PRKN: variants seen among roughly 807,000 people sequenced by gnomAD.
The protein encoded by PRKN is parkin RBR E3 ubiquitin protein ligase.
PRKN carries 56 observed loss-of-function variants against 59.5 expected under a neutral mutation model. The observed-to-expected ratio is 0.94, with a 90% CI of 0.76 to 1.18. The LOEUF (loss-of-function observed/expected upper bound fraction) is 1.18, where lower values mean the gene tolerates loss of function less well. Ranked by LOEUF, PRKN falls within the 50% of genes most tolerant of loss-of-function variation. PRKN has a pLI of 0.00. For missense variants in PRKN, 657 were observed against 596.4 expected (o/e 1.10, Z -1.06); for synonymous variants, 250 against 222.1 (o/e 1.13, Z -1.12).
At chr6:161,897,461 A>G (rs1042833103) in intron 6 of PRKN, among the ~76,000 whole-genome samples, 1 of 152,092 alleles carries the variant, frequency 6.6e-6, no homozygotes, top group African/African-American at 2.4e-5. Flanking sequence ...TTTTAGGCCC[A>G]TTTTCCTTCT....
In PRKN at chr6:162,651,590, A is replaced by G. The variant is rs558548317; in HGVS notation, c.7+76072T>C. On this transcript the variant is annotated intron_variant, in intron 1 of 11. Transcript: ENST00000366898. ...CTAGTTACACCTCATAACCACAAAT[A>G]TTAACTCCTGTAAATAAGCTTTTTA... Among the ~76,000 whole-genome samples, 5 of 152,324 alleles carry G rather than the reference A, an allele frequency of 3.3e-5. 1 individual carries two copies. The South Asian group carries it at 1.0e-3, about 32-fold the overall frequency.
At chr6:162,669,630 A>G (rs1022534089) in intron 1 of PRKN, among the ~76,000 whole-genome samples, 2 of 152,160 alleles carry the variant, frequency 1.3e-5, no homozygotes, top group Admixed American at 6.5e-5. Flanking sequence ...ATACTTCCCC[A>G]AAACAGATAC....
intron 4 of PRKN, among the ~76,000 whole-genome samples, chr6:162,145,982 C>G (rs1410441783): frequency 1.3e-5 from 2 of 152,200 alleles, no homozygotes; most frequent in African/African-American, 4.8e-5. Context: ...TGCAAACGTA[C>G]TTTCAATTTC....
At chr6:161,929,517 CTT>C (rs759945931) in intron 6 of PRKN, among the ~76,000 whole-genome samples, 466 of 72,214 alleles carry the variant, frequency 6.5e-3, no homozygotes, top group African/African-American at 0.023. Flanking sequence ...AATTTCACCT[CTT>C]TTTTTTTTTT....
intron 7 of PRKN, among the ~76,000 whole-genome samples, chr6:161,775,006 G>T (rs1789861076): frequency 6.6e-6 from 1 of 152,054 alleles, no homozygotes; most frequent in South Asian, 2.1e-4. Flanking sequence ...CATTTTCACA[G>T]TGGCAATTAT....
In PRKN at chr6:161,458,938, A is replaced by T. The variant is rs564852278; in HGVS notation, c.1084-72061T>A. ...GTTTTTTTTTTTCTTTTTAAAGTGC[A>T]TATCTTTATTTGGACAGCCTCAAAT... On this transcript the variant is annotated intron_variant, in intron 9 of 11. Coordinates refer to ENST00000366898, the MANE Select transcript of PRKN (RefSeq NM_004562.3). This position sits in a 1 kb window ranked among gnomAD's most constrained non-coding sequence, Gnocchi z 6.1. Among the ~76,000 whole-genome samples, 1 of 151,706 alleles carries T rather than the reference A, an allele frequency of 6.6e-6. No homozygotes were observed. Among genetic ancestry groups the T allele is most frequent in the East Asian group, 1.9e-4 (1 of 5,186 alleles).
chr6:161,639,256 G>C (rs138831957), intron 7 of PRKN, among the ~76,000 whole-genome samples: 169 of 152,304 alleles, frequency 1.1e-3, no homozygotes, highest in African/African-American at 3.9e-3. Context: ...AATAGACCTA[G>C]TCTCCAAGTG....
intron 9 of PRKN, among the ~76,000 whole-genome samples, chr6:161,431,653 C>T (rs1039585830): frequency 1.3e-5 from 2 of 151,360 alleles, no homozygotes; most frequent in Admixed American, 6.6e-5. Flanking sequence ...TGCTCCATTG[C>T]CCAGGCTGGA....
intron 9 of PRKN, among the ~76,000 whole-genome samples, chr6:161,452,284 T>C (rs960194070): frequency 4.6e-5 from 7 of 152,170 alleles, no homozygotes; most frequent in African/African-American, 1.7e-4. Flanking sequence ...AAAGTCTGAT[T>C]TAAAAAATAG....
At chr6:162,102,771 C>T (rs959790321) in intron 4 of PRKN, among the ~76,000 whole-genome samples, 7 of 144,020 alleles carry the variant, frequency 4.9e-5, no homozygotes, top group Non-Finnish European at 7.4e-5. Flanking sequence ...TGCCCGGGCG[C>T]GGTGGCTCAC....
chr6:162,598,771 T>C (rs1366228071), intron 1 of PRKN, among the ~76,000 whole-genome samples: 1 of 148,234 alleles, frequency 6.7e-6, no homozygotes, highest in African/African-American at 2.5e-5. Flanking sequence ...GAGAATTGCT[T>C]GACCCGTGGA....
At chr6:161,374,310 G>A (rs1464085035) in intron 10 of PRKN, among the ~76,000 whole-genome samples, 3 of 149,088 alleles carry the variant, frequency 2.0e-5, no homozygotes, top group East Asian at 2.0e-4. Flanking sequence ...TGTGGTGCGC[G>A]TGTGTTGTGT....
chr6:161,524,823 C>T (rs190521323), intron 9 of PRKN, among the ~76,000 whole-genome samples: 2 of 152,194 alleles, frequency 1.3e-5, no homozygotes, highest in African/African-American at 4.8e-5. Flanking sequence ...TGCACAACAT[C>T]GTAAGAGTTT....
chr6:161,381,385 TCTCC>T (rs1562408542), intron 10 of PRKN, among the ~76,000 whole-genome samples: 1 of 152,124 alleles, frequency 6.6e-6, no homozygotes, highest in African/African-American at 2.4e-5. Flanking sequence ...GGGTGGCCAC[TCTCC>T]CTCCCTCTCC....
Position 161,350,026 on chromosome 6 carries a change from A to T in PRKN, c.*73T>A. ...CGCGTGTGTGTGTGTGTTTGAAAAGAGAATTAGAAAATGAAGGTAGACACT... is the reference window on the plus strand; with the variant it reads ...CGCGTGTGTGTGTGTGTTTGAAAAGTGAATTAGAAAATGAAGGTAGACACT... On this transcript the variant is annotated 3_prime_UTR_variant, in exon 12 of 12. Coordinates refer to ENST00000366898, the MANE Select transcript of PRKN (RefSeq NM_004562.3). 1 of 994,268 alleles carries T rather than the reference A, an allele frequency of 1.0e-6. No individual in the cohort carries two copies. The highest frequency in any genetic ancestry group is 1.6e-6 in the Non-Finnish European group (1 of 632,394). The allele number at this position is 994,268 out of a possible 1,614,324, so 61.6% of individuals were successfully genotyped here.
intron 2 of PRKN, among the ~76,000 whole-genome samples, chr6:162,390,837 C>T (rs1432167703): frequency 2.0e-5 from 3 of 151,716 alleles, no homozygotes; most frequent in African/African-American, 7.3e-5. Flanking sequence ...AGAGATGGTA[C>T]AAAAAATTAA....
At chr6:161,786,019 G>T in intron 6 of PRKN, 111 bp from the exon 7 acceptor site, 1 of 1,053,260 alleles carries the variant, frequency 9.5e-7, no homozygotes, top group Admixed American at 1.9e-5. Flanking sequence ...TGTGCTCTGT[G>T]CAAAGACCGG....
chr6:162,647,397 C>T (rs1320603704), intron 1 of PRKN, among the ~76,000 whole-genome samples: 1 of 152,018 alleles, frequency 6.6e-6, no homozygotes, highest in Non-Finnish European at 1.5e-5. Flanking sequence ...TTAGACTTAA[C>T]AAATCTTAAC....
intron 2 of PRKN, among the ~76,000 whole-genome samples, chr6:162,277,036 G>A (rs1489561574): frequency 6.6e-6 from 1 of 152,162 alleles, no homozygotes; most frequent in African/African-American, 2.4e-5. Flanking sequence ...CGTGTGAGGA[G>A]TAAGAAAGAG....
Sources: gnomAD v4.1 joint callset for allele counts (sites outside exome capture counted in the v4.1 genomes callset) on GRCh38, gnomAD v4.1.1 for gene constraint, Gnocchi (gnomAD v3.1) non-coding constraint, MANE v1.5 for transcripts, NCBI Gene and HGNC (gene_info 2026-07-23, HGNC 2026-07-21) for gene names.